MAEA: variants seen among roughly 807,000 people sequenced by gnomAD.
MAEA encodes the protein E3 ubiquitin-protein transferase MAEA.
Under a neutral mutation model 46.2 loss-of-function variants are expected in MAEA, and 22 were observed. That is an observed-to-expected ratio of 0.48 (90% CI 0.34 to 0.68). The LOEUF (loss-of-function observed/expected upper bound fraction) is 0.68, where lower values mean the gene tolerates loss of function less well. Among genes scored for constraint, MAEA ranks in the 30% least tolerant of loss-of-function variants. The probability of loss-of-function intolerance (pLI) is 0.01; values close to 1 mark genes in which losing one functional copy is unlikely to be tolerated. For synonymous variants in MAEA, 246 were observed against 222.6 expected, an observed-to-expected ratio of 1.11 and a Z score of -0.94; for missense variants, 393 against 558.1, an observed-to-expected ratio of 0.70 and a Z score of 2.98.
intron 5 of MAEA, 114 bp from the exon 6 acceptor site, chr4:1,332,643 A>C (rs1354812851): frequency 1.4e-6 from 1 of 721,572 alleles, no homozygotes; most frequent in Non-Finnish European, 2.4e-6. Flanking sequence ...GTTCGAGGCT[A>C]CAGTGAGCTG....
chr4:1,312,930 C>G (rs1427579157), intron 2 of MAEA, among the ~76,000 whole-genome samples: 1 of 152,168 alleles, frequency 6.6e-6, no homozygotes, highest in African/African-American at 2.4e-5. Context: ...AACCGGAGGG[C>G]AGGGGTCAGA....
chr4:1,330,622 T>C (rs1711649149), intron 5 of MAEA: 1 of 152,236 alleles, frequency 6.6e-6, no homozygotes, highest in Admixed American at 6.5e-5. Flanking sequence ...GCCCGTGTGT[T>C]TATATTTTTA....
intron 1 of MAEA, among the ~76,000 whole-genome samples, chr4:1,305,885 G>A (rs1474828890): frequency 6.6e-6 from 1 of 152,254 alleles, no homozygotes. Flanking sequence ...CAAGGCCTGA[G>A]AACCAAGAGG....
Position 1,317,473 on chromosome 4 carries a change from T to A in MAEA, c.456+1873T>A, listed in dbSNP as rs116427305. Among the ~76,000 whole-genome samples the A allele has an allele frequency of 2.5e-3, 384 of 151,810 alleles. 1 individual carries two copies. The highest frequency in any genetic ancestry group is 8.9e-3 in the African/African-American group (367 of 41,396). On this transcript the variant is annotated intron_variant, in intron 3 of 8. Coordinates refer to ENST00000303400, the MANE Select transcript of MAEA (RefSeq NM_001017405.3). ...TGTCCCGCACCTCGTTCACCTTCTC[T>A]CAGATGCTGCCCTGGGTGGAGCGGC...
chr4:1,323,414 G>A, intron 4 of MAEA: 1 of 694,520 alleles, frequency 1.4e-6, no homozygotes, highest in South Asian at 1.5e-5. Flanking sequence ...CTTCTAAACT[G>A]AGCGCTGCTT....
chr4:1,297,459 GTA>G (rs895515056), intron 1 of MAEA, among the ~76,000 whole-genome samples: 10 of 148,576 alleles, frequency 6.7e-5, no homozygotes, highest in Non-Finnish European at 1.3e-4. Flanking sequence ...AAGTACGTGC[GTA>G]TGTGTGTGTG....
rs1029130238 is a variant in MAEA, at chr4:1,316,475, T to C, written c.456+875T>C. Among the ~76,000 whole-genome samples, 43 of 152,136 alleles carry C rather than the reference T, an allele frequency of 2.8e-4. 1 individual carries two copies. The highest frequency in any genetic ancestry group is 2.9e-5 in the Non-Finnish European group (2 of 67,990). Reference sequence around the variant, plus strand: ...TCCATTTGACTGAGATGACAACACTTGAGAACCTCTCAGGCAGGACTTGTG... The same window carrying C: ...TCCATTTGACTGAGATGACAACACTCGAGAACCTCTCAGGCAGGACTTGTG... On this transcript the variant is annotated intron_variant, in intron 3 of 8. Coordinates refer to ENST00000303400, the MANE Select transcript of MAEA (RefSeq NM_001017405.3).
rs529314781 is a variant in MAEA, at chr4:1,311,088, G to A, written c.70-891G>A. Among the ~76,000 whole-genome samples, 2 of 152,376 alleles carry A rather than the reference G, an allele frequency of 1.3e-5. No individual in the cohort carries two copies. The highest frequency in any genetic ancestry group is 3.9e-4 in the East Asian group (2 of 5,186). On this transcript the variant is annotated intron_variant, in intron 1 of 8. Coordinates refer to ENST00000303400, the MANE Select transcript of MAEA (RefSeq NM_001017405.3). The surrounding 1 kb of genome is among the most constrained non-coding windows in gnomAD (Gnocchi z 4.4). ...TGTCCTCCCATGGTTGGGCACGGCT[G>A]GAGAGGAGGCGAGGTGGAGCGCTTG... is the stretch of plus-strand genomic sequence containing the variant.
intron 6 of MAEA, among the ~76,000 whole-genome samples, 200 bp downstream of exon 6, chr4:1,333,065 G>C (rs551473774): frequency 1.3e-5 from 2 of 152,276 alleles, no homozygotes; most frequent in Admixed American, 1.3e-4. Flanking sequence ...GCTGTGTGTG[G>C]TGGCTCACCC....
rs116594735 is a variant in MAEA at position 1,297,642 on chromosome 4, C to T, written c.69+7660C>T. ...TGCATCTCTCTGTGCTTTGGTTGGG[C>T]GTCTCCTTTAGAGCGTCTGCTCTGC... On this transcript the variant is annotated intron_variant, in intron 1 of 8. Coordinates refer to ENST00000303400, the MANE Select transcript of MAEA (RefSeq NM_001017405.3). 3.7e-3 allele frequency among the ~76,000 whole-genome samples: 558 copies of T among 152,274 alleles called. 8 individuals carry two copies. Among genetic ancestry groups the T allele is most frequent in the African/African-American group, 0.013 (531 of 41,546 alleles).
chr4:1,305,788 TCA>T (rs1486373840), intron 1 of MAEA, among the ~76,000 whole-genome samples: 2 of 151,974 alleles, frequency 1.3e-5, no homozygotes, highest in Non-Finnish European at 2.9e-5. Flanking sequence ...AGGAGCTGTG[TCA>T]CAAAGAATTG....
intron 1 of MAEA, among the ~76,000 whole-genome samples, chr4:1,301,174 C>T (rs1421811247): frequency 5.9e-5 from 9 of 152,218 alleles, no homozygotes; most frequent in Admixed American, 1.3e-4. Flanking sequence ...CACTGAAATG[C>T]GTTGCGTTTT....
chr4:1,330,194 C>T (rs1299657569), intron 5 of MAEA: 10 of 954,174 alleles, frequency 1.0e-5, no homozygotes, highest in Admixed American at 6.2e-5. Flanking sequence ...TGACCCCAGG[C>T]GGCTGGGACC....
At chr4:1,339,022 G>T in intron 8 of MAEA, 52 bp from the exon 9 acceptor site, 4 of 1,368,006 alleles carry the variant, frequency 2.9e-6, no homozygotes, top group South Asian at 2.3e-5. Flanking sequence ...ATGGAAATCC[G>T]TGTGTACGTT....
chr4:1,297,708 C>G (rs967653510), intron 1 of MAEA, among the ~76,000 whole-genome samples: 1 of 152,202 alleles, frequency 6.6e-6, no homozygotes, highest in Non-Finnish European at 1.5e-5. Flanking sequence ...ACGTCACACC[C>G]ACGAGTGCCT....
At chr4:1,327,813 C>T (rs1041399094) in intron 5 of MAEA, 110 bp downstream of exon 5, 4 of 830,940 alleles carry the variant, frequency 4.8e-6, no homozygotes, top group Non-Finnish European at 7.5e-6. Context: ...CTGGGTCGTC[C>T]CCTGGGTCTT....
chr4:1,292,458 A>G (rs533923793), intron 1 of MAEA, among the ~76,000 whole-genome samples: 99 of 152,232 alleles, frequency 6.5e-4, no homozygotes, highest in Non-Finnish European at 1.2e-3. Flanking sequence ...GAATTGCTGC[A>G]GCCAACACGC....
intron 1 of MAEA, among the ~76,000 whole-genome samples, chr4:1,301,058 C>T (rs11936387): frequency 0.089 from 13,531 of 152,172 alleles, 1,274 homozygotes; most frequent in East Asian, 0.42. Flanking sequence ...TGATGAGCTT[C>T]GTGATCAATA....
intron 1 of MAEA, 124 bp downstream of exon 1, chr4:1,290,106 GGGGCCGTGCGGGCTTCTCA>G: frequency 2.0e-6 from 1 of 505,998 alleles, no homozygotes; most frequent in Non-Finnish European, 2.9e-6. Context: ...GCGGCCTCGC[GGGGCCGTGCGGGCTTCTCA>G]GGGGCGCCCG....
Sources: gnomAD v4.1 joint callset for allele counts (sites outside exome capture counted in the v4.1 genomes callset) on GRCh38, gnomAD v4.1.1 for gene constraint, Gnocchi (gnomAD v3.1) non-coding constraint, MANE v1.5 for transcripts, NCBI Gene and HGNC (gene_info 2026-07-23, HGNC 2026-07-21) for gene names.